STAG1: variants seen among roughly 807,000 people sequenced by gnomAD.
STAG1 encodes cohesin subunit SA-1.
STAG1 carries 26 observed loss-of-function variants against 170.9 expected under a neutral mutation model. The ratio of observed to expected loss-of-function variants is 0.15; its 90% CI spans 0.11 to 0.21. The LOEUF is 0.21. STAG1 is among the 10% of genes least tolerant of loss of function. The pLI, the probability that STAG1 is intolerant of heterozygous loss-of-function variation, is 1.00. For missense variants in STAG1, 964 were observed against 1,509.5 expected, an observed-to-expected ratio of 0.64 and a Z score of 5.99; for synonymous variants, 514 against 497.7, an observed-to-expected ratio of 1.03 and a Z score of -0.44.
chr3:136,427,892 A>G (rs1357193534), intron 16 of STAG1, among the ~76,000 whole-genome samples: 3 of 152,228 alleles, frequency 2.0e-5, no homozygotes, highest in Non-Finnish European at 4.4e-5. Flanking sequence ...GAGAATTTAA[A>G]GCCAGCAAAG....
At chr3:136,724,146 T>A (rs1933513516) in intron 1 of STAG1, among the ~76,000 whole-genome samples, 1 of 148,522 alleles carries the variant, frequency 6.7e-6, no homozygotes, top group Non-Finnish European at 1.5e-5. Context: ...CAATGGCGGT[T>A]TTGTGGAATA....
At chr3:136,376,031 T>C (rs866629899) in intron 23 of STAG1, among the ~76,000 whole-genome samples, 2 of 144,358 alleles carry the variant, frequency 1.4e-5, no homozygotes, top group African/African-American at 5.2e-5. Context: ...TAAAATAAAA[T>C]AAAATAAAAT....
chr3:136,498,062 C>G (rs1445211228), intron 9 of STAG1, among the ~76,000 whole-genome samples: 1 of 145,418 alleles, frequency 6.9e-6, no homozygotes, highest in Non-Finnish European at 1.5e-5. Context: ...CGTGGCAGAG[C>G]ATGCCTGTAA....
intron 2 of STAG1, among the ~76,000 whole-genome samples, chr3:136,625,877 G>A (rs1226379302): frequency 6.6e-6 from 1 of 152,138 alleles, no homozygotes; most frequent in African/African-American, 2.4e-5. Flanking sequence ...TATCTTTAAA[G>A]TTAATCTGGT....
intron 1 of STAG1, among the ~76,000 whole-genome samples, chr3:136,744,924 C>A (rs1934861106): frequency 6.6e-6 from 1 of 152,172 alleles, no homozygotes; most frequent in South Asian, 2.1e-4. Flanking sequence ...GATCCACCCG[C>A]CTCGGCCTCC....
At chr3:136,498,140 C>T (rs1217347114) in intron 9 of STAG1, among the ~76,000 whole-genome samples, 8 of 144,144 alleles carry the variant, frequency 5.6e-5, no homozygotes, top group African/African-American at 1.5e-4. Flanking sequence ...TGCAGTGAGC[C>T]GACATTGTGC....
chr3:136,388,277 G>T (rs956786062), intron 22 of STAG1, among the ~76,000 whole-genome samples: 3 of 152,098 alleles, frequency 2.0e-5, no homozygotes, highest in East Asian at 1.9e-4. Flanking sequence ...GGTAAGAAGT[G>T]GAGTAAAAAT....
chr3:136,601,277 G>C (rs1938664080), intron 4 of STAG1, among the ~76,000 whole-genome samples: 1 of 151,770 alleles, frequency 6.6e-6, no homozygotes, highest in South Asian at 2.1e-4. Flanking sequence ...AAATCAGAAG[G>C]TAAATTCATA....
chr3:136,702,830 G>C (rs1576785772), intron 1 of STAG1, among the ~76,000 whole-genome samples: 2 of 152,220 alleles, frequency 1.3e-5, no homozygotes, highest in East Asian at 3.9e-4. Flanking sequence ...AGCACTATGA[G>C]AGGCCGAGGC....
chr3:136,613,114 A>G (rs1371195435), intron 3 of STAG1, among the ~76,000 whole-genome samples: 1 of 151,938 alleles, frequency 6.6e-6, no homozygotes, highest in South Asian at 2.1e-4. Flanking sequence ...TATCCTGGCT[A>G]ACATGGTGAA....
At chr3:136,568,338 GTTACT>G (rs1275609611) in intron 5 of STAG1, among the ~76,000 whole-genome samples, 1 of 152,038 alleles carries the variant, frequency 6.6e-6, no homozygotes, top group African/African-American at 2.4e-5. Context: ...TGCTACTTGT[GTTACT>G]TTAAGAAAAG....
intron 1 of STAG1, among the ~76,000 whole-genome samples, chr3:136,709,684 A>T (rs1208222305): frequency 1.3e-5 from 2 of 152,026 alleles, no homozygotes; most frequent in Admixed American, 6.6e-5. Context: ...ACAGTAAGTT[A>T]TAACCAAGCC....
intron 24 of STAG1, among the ~76,000 whole-genome samples, chr3:136,368,139 G>A (rs1484596703): frequency 1.3e-5 from 2 of 152,066 alleles, no homozygotes; most frequent in East Asian, 3.9e-4. Context: ...TTTGTCTCCT[G>A]AGATGAATAT....
intron 1 of STAG1, chr3:136,736,388 C>T (rs1934335069): frequency 3.7e-6 from 3 of 812,974 alleles, no homozygotes; most frequent in Non-Finnish European, 6.1e-6. Context: ...GACTGAAAAG[C>T]AAATACTACT....
At chr3:136,473,691 T>C (rs938672210) in intron 10 of STAG1, 54 bp from the exon 11 acceptor site, 7 of 1,372,026 alleles carry the variant, frequency 5.1e-6, no homozygotes, top group Non-Finnish European at 7.2e-6. Flanking sequence ...ATACTACAAT[T>C]TTCAAGTCTA....
At chr3:136,349,576 T>C (rs769824019) in intron 28 of STAG1, among the ~76,000 whole-genome samples, 5 of 152,196 alleles carry the variant, frequency 3.3e-5, no homozygotes, top group Non-Finnish European at 7.3e-5. Flanking sequence ...CAAGTGAGTG[T>C]ATTACCTAAG....
intron 9 of STAG1, among the ~76,000 whole-genome samples, chr3:136,495,561 G>A (rs983364593): frequency 5.3e-5 from 8 of 152,102 alleles, no homozygotes; most frequent in South Asian, 2.1e-4. Flanking sequence ...TGGATGGCAC[G>A]GTGGCTCATG....
intron 13 of STAG1, among the ~76,000 whole-genome samples, chr3:136,460,204 T>C (rs971618687): frequency 2.0e-5 from 3 of 152,048 alleles, no homozygotes; most frequent in African/African-American, 7.2e-5. Flanking sequence ...ATACAAAGGA[T>C]CAGTAAAAAC....
chr3:136,487,527 T>C (rs13068119), intron 9 of STAG1, among the ~76,000 whole-genome samples: 27,871 of 152,156 alleles, frequency 0.18, 2,786 homozygotes, highest in Middle Eastern at 0.23. Flanking sequence ...GACTTGCAAT[T>C]TGACCATGTG....
Sources: allele counts gnomAD v4.1 joint callset (sites outside exome capture counted in the v4.1 genomes callset), GRCh38; gene constraint gnomAD v4.1.1; transcripts MANE v1.5; gene names NCBI Gene and HGNC (gene_info 2026-07-23, HGNC 2026-07-21).